GRM5: variants seen among roughly 807,000 people sequenced by gnomAD.
The protein encoded by GRM5 is glutamate metabotropic receptor 5, also known as metabotropic glutamate receptor 5.
A neutral mutation model predicts 83.1 loss-of-function variants in GRM5; 19 were observed. That is an observed-to-expected ratio of 0.23 (90% CI 0.16 to 0.34). The LOEUF is 0.34. Ranked by LOEUF, GRM5 falls within the 10% of genes least tolerant of loss-of-function variation. The pLI is 1.00. For missense variants in GRM5, 1,160 were observed against 1,588.3 expected (o/e 0.73, Z 4.58); for synonymous variants, 675 against 633.6 (o/e 1.07, Z -0.98).
At chr11:88,946,768 C>A (rs1029472436) in intron 2 of GRM5, among the ~76,000 whole-genome samples, 1 of 152,030 alleles carries the variant, frequency 6.6e-6, no homozygotes, top group Non-Finnish European at 1.5e-5. Context: ...TTACGTTTTG[C>A]GTTTTTGACA....
intron 3 of GRM5, among the ~76,000 whole-genome samples, chr11:88,771,871 C>T (rs1942744176): frequency 6.6e-6 from 1 of 152,064 alleles, no homozygotes; most frequent in Non-Finnish European, 1.5e-5. Flanking sequence ...TGAACATCTC[C>T]CTCCATTCCC....
intron 3 of GRM5, among the ~76,000 whole-genome samples, chr11:88,713,031 C>T (rs1463138535): frequency 6.6e-6 from 1 of 151,866 alleles, no homozygotes. Flanking sequence ...GGAATAACTG[C>T]CTTCTATTCC....
chr11:88,933,962 A>G (rs1937806162), intron 2 of GRM5, among the ~76,000 whole-genome samples: 1 of 151,808 alleles, frequency 6.6e-6, no homozygotes. Context: ...CTAAGAAACT[A>G]GCAAAAAGAA....
chr11:88,830,520 G>A (rs1232611938), intron 3 of GRM5, among the ~76,000 whole-genome samples: 1 of 152,144 alleles, frequency 6.6e-6, no homozygotes, highest in Non-Finnish European at 1.5e-5. Flanking sequence ...AAGGCAGAAA[G>A]GAAAGGGAAG....
At chr11:89,052,212 G>C (rs1005790811) in intron 1 of GRM5, among the ~76,000 whole-genome samples, 2 of 152,116 alleles carry the variant, frequency 1.3e-5, no homozygotes, top group African/African-American at 4.8e-5. Flanking sequence ...GGACTCAGGG[G>C]AGAGTTTTGG....
intron 2 of GRM5, among the ~76,000 whole-genome samples, chr11:89,014,893 A>G (rs1032824666): frequency 6.6e-6 from 1 of 152,172 alleles, no homozygotes; most frequent in African/African-American, 2.4e-5. Flanking sequence ...TGGTTCTGGC[A>G]CCGCCTACTT....
chr11:88,830,722 A>C (rs1375498383), intron 3 of GRM5, among the ~76,000 whole-genome samples: 1 of 152,186 alleles, frequency 6.6e-6, no homozygotes, highest in Non-Finnish European at 1.5e-5. Flanking sequence ...GGCTCAAGAA[A>C]GGGAGGTCAC....
rs1362087923 is a variant in GRM5, at chr11:88,505,342, C to T, written c.*3250G>A. On this transcript the variant is annotated 3_prime_UTR_variant, in exon 10 of 10. Transcript: ENST00000305447. ...GGAAATGCTTTTGTTTTTTGTTATT[C>T]TTAAAAAGAGCATTTAATTCCTGGC... 2 of 152,148 alleles carry T rather than the reference C, an allele frequency of 1.3e-5. No individual in the cohort carries two copies. Among genetic ancestry groups the T allele is most frequent in the South Asian group, 4.1e-4 (2 of 4,838 alleles). The allele number at this position is 152,148 out of a possible 1,614,324, so 9.4% of individuals were successfully genotyped here.
At chr11:89,022,558 AG>A (rs1168550754) in intron 2 of GRM5, among the ~76,000 whole-genome samples, 1 of 151,120 alleles carries the variant, frequency 6.6e-6, no homozygotes. Flanking sequence ...AGGCAGAGGT[AG>A]GAGAATTGCT....
chr11:88,682,157 A>G (rs1378314770), intron 3 of GRM5, among the ~76,000 whole-genome samples: 1 of 152,194 alleles, frequency 6.6e-6, no homozygotes, highest in East Asian at 1.9e-4. Flanking sequence ...TATGGATTTG[A>G]CAATCATCTC....
intron 4 of GRM5, among the ~76,000 whole-genome samples, chr11:88,634,047 G>C (rs988479737): frequency 6.6e-6 from 1 of 152,068 alleles, no homozygotes; most frequent in African/African-American, 2.4e-5. Context: ...ATTATACAAA[G>C]GTGTAAGTAT....
chr11:89,028,443 C>A (rs1166277003), intron 2 of GRM5, among the ~76,000 whole-genome samples: 2 of 151,966 alleles, frequency 1.3e-5, no homozygotes, highest in Non-Finnish European at 2.9e-5. Flanking sequence ...AAAAAATTAG[C>A]CAGGAGTGGT....
At chr11:88,854,373 G>C (rs1390742902) in intron 2 of GRM5, among the ~76,000 whole-genome samples, 2 of 151,692 alleles carry the variant, frequency 1.3e-5, no homozygotes, top group African/African-American at 2.4e-5. Context: ...CTTAAAACAT[G>C]AACAGAGTTG....
intron 3 of GRM5, among the ~76,000 whole-genome samples, chr11:88,672,756 G>T (rs558658011): frequency 1.3e-5 from 2 of 152,008 alleles, no homozygotes; most frequent in East Asian, 3.9e-4. Context: ...CAGCAATAAT[G>T]TTATAAAAAG....
At chr11:88,845,423 C>CTTTTTTT (rs71046265) in intron 3 of GRM5, among the ~76,000 whole-genome samples, 5,608 of 92,034 alleles carry the variant, frequency 0.061, 1,196 homozygotes, top group South Asian at 0.12. Context: ...ATAAACATAA[C>CTTTTTTT]TTTTTTTTTT....
intron 3 of GRM5, among the ~76,000 whole-genome samples, chr11:88,757,356 G>T (rs528515529): frequency 9.9e-5 from 15 of 152,284 alleles, no homozygotes; most frequent in African/African-American, 3.6e-4. Context: ...TGCCTCTGCT[G>T]CTGGTGGAAT....
chr11:88,859,847 A>T (rs1343167204), intron 2 of GRM5, among the ~76,000 whole-genome samples: 1 of 152,170 alleles, frequency 6.6e-6, no homozygotes, highest in Non-Finnish European at 1.5e-5. Context: ...AAAAGATTAC[A>T]GATGTATGTG....
chr11:89,022,609 G>A (rs1398789741), intron 2 of GRM5, among the ~76,000 whole-genome samples: 1 of 152,088 alleles, frequency 6.6e-6, no homozygotes, highest in Non-Finnish European at 1.5e-5. Flanking sequence ...CCGAGATCGT[G>A]CCACTGCACT....
chr11:88,649,081 C>T (rs951613084), intron 4 of GRM5, among the ~76,000 whole-genome samples: 5 of 142,452 alleles, frequency 3.5e-5, no homozygotes, highest in Non-Finnish European at 6.1e-5. Context: ...ATATATAATA[C>T]ATATATTAAA....
Sources: gnomAD v4.1 joint callset for allele counts (sites outside exome capture counted in the v4.1 genomes callset) on GRCh38, gnomAD v4.1.1 for gene constraint, MANE v1.5 for transcripts, NCBI Gene and HGNC (gene_info 2026-07-23, HGNC 2026-07-21) for gene names.